The following AGR2 variants were observed in gnomAD, a reference collection of about 807,000 sequenced individuals.
AGR2 encodes the protein anterior gradient protein 2 homolog.
A neutral mutation model predicts 25.9 loss-of-function variants in AGR2; 27 were observed. The ratio of observed to expected loss-of-function variants is 1.04; its 90% confidence interval spans 0.77 to 1.44. AGR2 has a LOEUF of 1.44. Among genes scored for constraint, AGR2 ranks in the 40% most tolerant of loss-of-function variants. The pLI is 0.00. For synonymous variants in AGR2, 78 were observed against 72.0 expected (o/e 1.08, Z -0.42); for missense variants, 182 against 200.9 (o/e 0.91, Z 0.57).
chr7:16,804,246 G>T (rs984388436), intron 1 of AGR2, among the ~76,000 whole-genome samples: 2 of 124,194 alleles, frequency 1.6e-5, no homozygotes, highest in African/African-American at 5.7e-5. Flanking sequence ...TTGATAATTT[G>T]GAGACACACA....
intron 7 of AGR2, among the ~76,000 whole-genome samples, chr7:16,793,375 G>A (rs1280441072): frequency 6.6e-6 from 1 of 152,156 alleles, no homozygotes; most frequent in Non-Finnish European, 1.5e-5. Flanking sequence ...ATCATGAGGT[G>A]AATAGTTGGT....
intron 4 of AGR2, among the ~76,000 whole-genome samples, chr7:16,800,400 G>T (rs918076443): frequency 2.0e-5 from 3 of 152,196 alleles, no homozygotes; most frequent in Non-Finnish European, 4.4e-5. Context: ...GGAACAGCAC[G>T]AAGGCCAGGC....
chr7:16,792,875 TGACA>T lies in AGR2; in HGVS notation c.*29_*32del, dbSNP rs767921752. On this transcript the variant is annotated 3_prime_UTR_variant, in exon 8 of 8. Transcript: ENST00000419304. ...TCTTCTGGTTTCAAGTCTCAAGGCCTGACAGACAGAAGGGCTTGGAGATTTTTTT... is the reference window on the plus strand; with the variant it reads ...TCTTCTGGTTTCAAGTCTCAAGGCCTGACAGAAGGGCTTGGAGATTTTTTT... 1.9e-6 allele frequency: 3 copies of T among 1,596,924 alleles called. No individual in the cohort carries two copies. The highest frequency in any genetic ancestry group is 2.2e-5 in the East Asian group (1 of 44,804).
At chr7:16,794,700 G>C in intron 7 of AGR2, 1 of 1,128,208 alleles carries the variant, frequency 8.9e-7, no homozygotes, top group Non-Finnish European at 1.2e-6. Flanking sequence ...AATCCTCCTA[G>C]AGAAAAAGAT....
At chr7:16,800,540 C>A (rs149155414) in intron 4 of AGR2, among the ~76,000 whole-genome samples, 2 of 152,166 alleles carry the variant, frequency 1.3e-5, no homozygotes, top group Non-Finnish European at 2.9e-5. Context: ...CACTTGAGCA[C>A]GTGAGTGATG....
intron 6 of AGR2, among the ~76,000 whole-genome samples, chr7:16,796,336 T>A (rs1170989798): frequency 6.6e-6 from 1 of 152,258 alleles, no homozygotes; most frequent in Admixed American, 6.5e-5. Flanking sequence ...AATTCCCTTT[T>A]AATGTTAGGA....
chr7:16,793,020 C>A lies in AGR2; in HGVS notation c.479-63G>T, dbSNP rs923088522. 5 of 1,466,832 alleles carry A rather than the reference C, an allele frequency of 3.4e-6. No homozygotes were observed. The African/African-American group carries it at 4.2e-5, about 12-fold the overall frequency. The allele number at this position is 1,466,832 out of a possible 1,614,324, so 90.9% of individuals were successfully genotyped here. On this transcript the variant is annotated intron_variant, in intron 7 of 7. Transcript: ENST00000419304. ...CGTGCGTTATATCGATATAATAAAC[C>A]CCAAACTTGGATGCTCAATTCATTA...
At chr7:16,795,790 C>T (rs1354468938) in intron 6 of AGR2, among the ~76,000 whole-genome samples, 7 of 152,150 alleles carry the variant, frequency 4.6e-5, no homozygotes, top group Non-Finnish European at 7.3e-5. Context: ...GAAAATGAGA[C>T]AAGGAAGACA....
chr7:16,794,908 C>A, intron 7 of AGR2, 28 bp downstream of exon 7: 1 of 1,613,982 alleles, frequency 6.2e-7, no homozygotes, highest in Non-Finnish European at 8.5e-7. Flanking sequence ...AACTCTTGGG[C>A]AACATCCGAA....
chr7:16,802,223 T>C (rs1345697956), intron 1 of AGR2, among the ~76,000 whole-genome samples: 2 of 152,182 alleles, frequency 1.3e-5, no homozygotes, highest in Non-Finnish European at 2.9e-5. Context: ...TATTATTAGC[T>C]CTTATTAATC....
chr7:16,802,822 GC>G (rs1785171644), intron 1 of AGR2, among the ~76,000 whole-genome samples: 1 of 152,022 alleles, frequency 6.6e-6, no homozygotes, highest in Non-Finnish European at 1.5e-5. Context: ...TACTCTAGTA[GC>G]TAAGAAAATT....
Position 16,792,844 on chromosome 7 carries a change from C to T in AGR2, c.*64G>A, listed in dbSNP as rs892787716. On this transcript the variant is annotated 3_prime_UTR_variant, in exon 8 of 8. Transcript: ENST00000419304. ...ATGCTTCCACACTAGCCAGTCTTCT[C>T]ACACTTCTTCTGGTTTCAAGTCTCA... The T allele has an allele frequency of 7.1e-7, 1 of 1,417,400 alleles. No individual in the cohort carries two copies. The highest frequency in any genetic ancestry group is 1.0e-6 in the Non-Finnish European group (1 of 1,000,926). The allele number at this position is 1,417,400 out of a possible 1,614,324, so 87.8% of individuals were successfully genotyped here. A position where few individuals can be genotyped will look rare whatever the true frequency, so the allele number is the denominator to read the frequency against.
intron 5 of AGR2, 176 bp downstream of exon 5, chr7:16,799,568 C>T (rs1370329546): frequency 5.5e-6 from 3 of 542,032 alleles, no homozygotes; most frequent in Non-Finnish European, 9.8e-6. Flanking sequence ...AAAACAGACA[C>T]ACCAAATGGA....
chr7:16,799,591 C>T (rs147069519), intron 5 of AGR2, 153 bp downstream of exon 5: 75 of 546,280 alleles, frequency 1.4e-4, no homozygotes, highest in African/African-American at 6.6e-4. Flanking sequence ...ATTAATACAA[C>T]GAAATATCTT....
At position 16,795,029 on chromosome 7, in the gene AGR2, T is replaced by C; in HGVS notation, c.395-10A>G. 2 of 1,613,918 alleles carry C rather than the reference T, an allele frequency of 1.2e-6. No homozygotes were observed. The highest frequency in any genetic ancestry group is 1.7e-6 in the Non-Finnish European group (2 of 1,179,768). ...ACTGTCAGAGATGGGTCTGCAAAGA[T>C]AAATGAAGCAAAAGGGAATGGAATG... On this transcript the variant is annotated splice_polypyrimidine_tract_variant and intron_variant, in intron 6 of 7. Transcript: ENST00000419304.
At chr7:16,794,088 C>T (rs1231040243) in intron 7 of AGR2, among the ~76,000 whole-genome samples, 2 of 152,192 alleles carry the variant, frequency 1.3e-5, no homozygotes, top group African/African-American at 4.8e-5. Context: ...ATGATCTCTC[C>T]TGCTTCCTAG....
intron 7 of AGR2, among the ~76,000 whole-genome samples, chr7:16,794,037 C>G (rs1785003203): frequency 6.6e-6 from 1 of 152,148 alleles, no homozygotes; most frequent in East Asian, 1.9e-4. Context: ...ATGTGCTTCC[C>G]CTGGTCCAGC....
At chr7:16,800,136 A>C (rs1785117026) in intron 4 of AGR2, among the ~76,000 whole-genome samples, 1 of 152,250 alleles carries the variant, frequency 6.6e-6, no homozygotes, top group African/African-American at 2.4e-5. Context: ...GTGTTTTTTC[A>C]CAGAGCTCAC....
intron 6 of AGR2, 77 bp downstream of exon 6, chr7:16,797,554 G>C: frequency 7.5e-7 from 1 of 1,326,562 alleles, no homozygotes; most frequent in Non-Finnish European, 1.1e-6. Flanking sequence ...ACGTGGCAAG[G>C]GACAGTGGGG....
Sources: allele counts gnomAD v4.1 joint callset (sites outside exome capture counted in the v4.1 genomes callset), GRCh38; gene constraint gnomAD v4.1.1; transcripts MANE v1.5; gene names NCBI Gene and HGNC (gene_info 2026-07-23, HGNC 2026-07-21).